The following CDH13 variants were observed in gnomAD, a reference collection of about 807,000 sequenced individuals.
CDH13 encodes cadherin-13.
A neutral mutation model predicts 63.8 loss-of-function variants in CDH13; 24 were observed. The ratio of observed to expected loss-of-function variants is 0.38; its 90% CI spans 0.27 to 0.53. The LOEUF is 0.53. CDH13 is among the 20% of genes least tolerant of loss of function. CDH13 has a pLI of 0.85. For missense variants in CDH13, 1,049 were observed against 903.1 expected (o/e 1.16, Z -2.07); for synonymous variants, 503 against 355.3 (o/e 1.42, Z -4.67).
intron 4 of CDH13, among the ~76,000 whole-genome samples, chr16:83,133,740 C>T (rs1480935145): frequency 1.3e-5 from 2 of 152,194 alleles, no homozygotes; most frequent in Non-Finnish European, 2.9e-5. Context: ...CTCAAGTGAT[C>T]CACCTGCCTC....
chr16:83,178,014 A>T (rs2038196698), intron 4 of CDH13, among the ~76,000 whole-genome samples: 1 of 152,136 alleles, frequency 6.6e-6, no homozygotes, highest in Non-Finnish European at 1.5e-5. Flanking sequence ...GGAATAAAGG[A>T]GCTACGGGAA....
chr16:83,449,901 C>A (rs1157564053), intron 6 of CDH13, among the ~76,000 whole-genome samples: 2 of 152,192 alleles, frequency 1.3e-5, no homozygotes, highest in Non-Finnish European at 2.9e-5. Flanking sequence ...GAATAAGTGA[C>A]GGCTGCTGTT....
intron 7 of CDH13, among the ~76,000 whole-genome samples, chr16:83,536,512 G>A (rs2075192446): frequency 6.6e-6 from 1 of 152,154 alleles, no homozygotes; most frequent in Non-Finnish European, 1.5e-5. Context: ...GTGAGTGTGG[G>A]TGTAGATAAG....
At chr16:83,774,369 C>T (rs1380504496) in intron 11 of CDH13, among the ~76,000 whole-genome samples, 1 of 151,942 alleles carries the variant, frequency 6.6e-6, no homozygotes, top group Admixed American at 6.6e-5. Flanking sequence ...TAGTCAAATG[C>T]CATTTCTTTT....
chr16:83,119,737 G>A lies in CDH13; in HGVS notation c.367-5648G>A, dbSNP rs141708628. Among the ~76,000 whole-genome samples, 605 of 152,200 alleles carry A rather than the reference G, an allele frequency of 4.0e-3. 4 individuals carry two copies. The highest frequency in any genetic ancestry group is 0.014 in the African/African-American group (579 of 41,542). ...AACACAGAGAGTTGTCCCGAAGCAG[G>A]GTATATGGATGTCAGTCAAATCATG... On this transcript the variant is annotated intron_variant, in intron 3 of 13. Transcript: ENST00000567109.
At chr16:82,865,239 G>A (rs2040085770) in intron 2 of CDH13, among the ~76,000 whole-genome samples, 1 of 152,218 alleles carries the variant, frequency 6.6e-6, no homozygotes, top group Admixed American at 6.5e-5. Flanking sequence ...GGTCTGGAGG[G>A]TGGTGGCTGT....
At chr16:83,701,986 G>C (rs1906306955) in intron 10 of CDH13, among the ~76,000 whole-genome samples, 1 of 152,194 alleles carries the variant, frequency 6.6e-6, no homozygotes, top group South Asian at 2.1e-4. Flanking sequence ...CAGGTGTAAA[G>C]GGAGATAATA....
intron 7 of CDH13, among the ~76,000 whole-genome samples, chr16:83,550,175 G>C (rs1598273789): frequency 6.6e-6 from 1 of 152,194 alleles, no homozygotes; most frequent in South Asian, 2.1e-4. Context: ...GTGTGCATTG[G>C]TGCTCAAACA....
intron 5 of CDH13, among the ~76,000 whole-genome samples, chr16:83,333,928 A>G (rs1439843820): frequency 6.6e-6 from 1 of 152,154 alleles, no homozygotes; most frequent in Non-Finnish European, 1.5e-5. Context: ...AGTGACTCAA[A>G]ACAACACAAA....
At position 82,627,081 on chromosome 16, in the gene CDH13, T is replaced by C; in HGVS notation, c.-12T>C. The stretch of plus-strand genomic sequence containing the variant: ...GAATGAAAACGCCGCCGGGCGCTTC[T>C]AGTCGGACAAAATGCAGCCGAGAAC... On this transcript the variant is annotated 5_prime_UTR_variant, in exon 1 of 14. The change abolishes the stop of an existing upstream ORF in the 5' untranslated region. Transcript: ENST00000567109. The C allele has an allele frequency of 1.3e-6, 2 of 1,597,350 alleles. No individual in the cohort carries two copies. The highest frequency in any genetic ancestry group is 1.7e-5 in the Admixed American group (1 of 57,972).
At chr16:83,001,490 A>T (rs948437325) in intron 2 of CDH13, among the ~76,000 whole-genome samples, 3 of 152,240 alleles carry the variant, frequency 2.0e-5, no homozygotes, top group Admixed American at 1.3e-4. Flanking sequence ...TCACATGAAA[A>T]CAGAGCTGCC....
At chr16:83,030,860 T>G (rs944018436) in intron 2 of CDH13, among the ~76,000 whole-genome samples, 18 of 151,758 alleles carry the variant, frequency 1.2e-4, no homozygotes, top group African/African-American at 4.4e-4. Context: ...CCCTTCTAGA[T>G]CCCCACCATT....
At chr16:82,884,693 C>T (rs1366034994) in intron 2 of CDH13, among the ~76,000 whole-genome samples, 3 of 152,208 alleles carry the variant, frequency 2.0e-5, no homozygotes, top group African/African-American at 4.8e-5. Flanking sequence ...GAACTGGAAA[C>T]AGCTCAGACT....
chr16:83,466,664 T>G (rs1247630496), intron 6 of CDH13, among the ~76,000 whole-genome samples: 3 of 152,216 alleles, frequency 2.0e-5, no homozygotes, highest in Non-Finnish European at 4.4e-5. Flanking sequence ...CAGATGTTTA[T>G]CATAGACAAG....
At chr16:83,099,388 A>G (rs1245281143) in intron 3 of CDH13, among the ~76,000 whole-genome samples, 4 of 151,894 alleles carry the variant, frequency 2.6e-5, no homozygotes, top group Non-Finnish European at 5.9e-5. Flanking sequence ...CAACGGTGCA[A>G]TCTCAGCTCA....
At position 82,828,419 on chromosome 16, in the gene CDH13, A is replaced by T. The variant is rs143720578; in HGVS notation, c.46-29943A>T. On this transcript the variant is annotated intron_variant, in intron 1 of 13. Transcript: ENST00000567109. ...GATGACTTGAGGCCAGGAGTTCAAT[A>T]CTAGCCTGGCCAACATAGTGAAACC... is the stretch of plus-strand genomic sequence containing the variant. Among the ~76,000 whole-genome samples, 14 of 152,264 alleles carry T rather than the reference A, an allele frequency of 9.2e-5. No individual in the cohort carries two copies. In the East Asian group the frequency reaches 2.7e-3, roughly 29 times the overall value.
chr16:83,558,880 C>T (rs754251590), intron 7 of CDH13, among the ~76,000 whole-genome samples: 5 of 152,102 alleles, frequency 3.3e-5, no homozygotes, highest in Non-Finnish European at 5.9e-5. Flanking sequence ...TGCGGGTATC[C>T]GAAGCTGGGT....
chr16:83,198,493 G>A (rs1394478476), intron 4 of CDH13, among the ~76,000 whole-genome samples: 2 of 152,166 alleles, frequency 1.3e-5, no homozygotes, highest in Middle Eastern at 3.2e-3. Context: ...GTCTTGTTGT[G>A]CTTTCTATTT....
At chr16:83,227,439 T>C (rs182892508) in intron 5 of CDH13, among the ~76,000 whole-genome samples, 1 of 152,238 alleles carries the variant, frequency 6.6e-6, no homozygotes, top group East Asian at 1.9e-4. Flanking sequence ...AATGTTGTGA[T>C]GGGGGCTGAG....
Sources: gnomAD v4.1 joint callset for allele counts (sites outside exome capture counted in the v4.1 genomes callset) on GRCh38, gnomAD v4.1.1 for gene constraint, MANE v1.5 for transcripts, NCBI Gene and HGNC (gene_info 2026-07-23, HGNC 2026-07-21) for gene names.